Variants in MTOR observed in about 807,000 individuals in gnomAD.
MTOR encodes serine/threonine-protein kinase mTOR.
MTOR carries 70 observed loss-of-function variants against 319.8 expected under a neutral mutation model. That is an observed-to-expected ratio of 0.22 (90% CI 0.18 to 0.27). MTOR has a LOEUF of 0.27. Among genes scored for constraint, MTOR ranks in the 10% least tolerant of loss-of-function variants. MTOR has a pLI of 1.00. For missense variants in MTOR, 1,890 were observed against 3,274.4 expected (o/e 0.58, Z 10.32); for synonymous variants, 1,183 against 1,211.4 (o/e 0.98, Z 0.49).
At chr1:11,146,853 A>G (rs200063802) in intron 31 of MTOR, 62 bp from the exon 32 acceptor site, 13 of 1,138,262 alleles carry the variant, frequency 1.1e-5, no homozygotes, top group Admixed American at 3.4e-5. Context: ...TAAAGGCAGC[A>G]TCTCAAATAG....
At position 11,128,918 on chromosome 1, in the gene MTOR, C is replaced by G; in HGVS notation, c.5748G>C (p.Trp1916Cys). 1 of 1,613,734 alleles carries G rather than the reference C, an allele frequency of 6.2e-7. No homozygotes were observed. Among genetic ancestry groups the G allele is most frequent in the Non-Finnish European group, 8.5e-7 (1 of 1,179,842 alleles). The change falls in exon 41 of 58, where the codon TGG (tryptophan) becomes TGC (cysteine). Residue 1916 changes from tryptophan to cysteine, a missense_variant. Around this residue, in one of 15 missense-constraint regions of MTOR, gnomAD observed 249 missense variants for 596.2 expected, o/e 0.42. Coordinates refer to ENST00000361445, the MANE Select transcript of MTOR (RefSeq NM_004958.4). This position sits in a 1 kb window ranked among gnomAD's most constrained non-coding sequence, Gnocchi z 5.3. ...VLTLWFDYGH[W>C]PDVNEALVEG... ...CCACTAAGGCCTCATTGACATCTGG[C>G]CAGTGACCATAATCAAACCATAAGG...
intron 8 of MTOR, among the ~76,000 whole-genome samples, chr1:11,246,232 G>A (rs1287377539): frequency 2.6e-5 from 4 of 152,146 alleles, no homozygotes; most frequent in Non-Finnish European, 5.9e-5. Flanking sequence ...GAAATCTAGG[G>A]CCCTCTGAGC....
At position 11,199,787 on chromosome 1, in the gene MTOR, G is replaced by A; in HGVS notation, c.3945-84C>T. ...AAGTCACACCTATCAATTCGCTTTT[G>A]GCATCACTGATTTTGGTTATACAAA... On this transcript the variant is annotated intron_variant, in intron 26 of 57. Coordinates refer to ENST00000361445, the MANE Select transcript of MTOR (RefSeq NM_004958.4). This position sits in a 1 kb window ranked among gnomAD's most constrained non-coding sequence, Gnocchi z 4.5. 2 of 1,468,912 alleles carry A rather than the reference G, an allele frequency of 1.4e-6. No homozygotes were observed. Among genetic ancestry groups the A allele is most frequent in the Non-Finnish European group, 1.9e-6 (2 of 1,075,330 alleles). The allele number at this position is 1,468,912 out of a possible 1,614,324, so 91.0% of individuals were successfully genotyped here. A position where few individuals can be genotyped will look rare whatever the true frequency, so the allele number is the denominator to read the frequency against.
At chr1:11,132,719 G>T in intron 38 of MTOR, 1 of 177,738 alleles carries the variant, frequency 5.6e-6, no homozygotes, top group South Asian at 1.7e-4. Flanking sequence ...ATGCAAATCA[G>T]AAAAACGCTG....
chr1:11,183,968 AAATT>A (rs1200071694), intron 28 of MTOR, among the ~76,000 whole-genome samples: 1 of 152,194 alleles, frequency 6.6e-6, no homozygotes, highest in East Asian at 1.9e-4. Flanking sequence ...TAAATACACA[AAATT>A]AAGTATCTCT....
intron 26 of MTOR, among the ~76,000 whole-genome samples, chr1:11,203,634 TGCAGTCCAGC>T (rs1415118420): frequency 7.9e-4 from 120 of 152,348 alleles, no homozygotes; most frequent in African/African-American, 2.9e-3. Context: ...ACTGTGCCAC[TGCAGTCCAGC>T]CTGAGCAACA....
chr1:11,166,110 CTTAACAACGT>C (rs1644635972), intron 29 of MTOR, among the ~76,000 whole-genome samples: 1 of 152,212 alleles, frequency 6.6e-6, no homozygotes, highest in Non-Finnish European at 1.5e-5. Context: ...GGATTAAAGA[CTTAACAACGT>C]TAGACCTAAA....
intron 28 of MTOR, among the ~76,000 whole-genome samples, chr1:11,174,221 G>A (rs1644914553): frequency 6.6e-6 from 1 of 152,154 alleles, no homozygotes; most frequent in African/African-American, 2.4e-5. Context: ...GACAGGCGGT[G>A]TCTTAGCTTT....
chr1:11,107,460 G>C lies in MTOR; in HGVS notation c.*25C>G, dbSNP rs376243307. On this transcript the variant is annotated 3_prime_UTR_variant, in exon 58 of 58. Transcript: ENST00000361445. ...AAAGTACAAAAGCCTCAGAAAAAAC[G>C]TGATGGGCACATCTGGGCCTCCAGT... The C allele has an allele frequency of 6.8e-6, 11 of 1,608,082 alleles. No homozygotes were observed. The East Asian group carries it at 2.5e-4, about 36-fold the overall frequency.
At chr1:11,130,399 G>T in intron 39 of MTOR, 130 bp downstream of exon 39, 1 of 1,395,176 alleles carries the variant, frequency 7.2e-7, no homozygotes, top group Non-Finnish European at 9.7e-7. Context: ...ATGGTAGATA[G>T]GCAGTATTTT....
At chr1:11,182,698 C>T (rs1645197096) in intron 28 of MTOR, among the ~76,000 whole-genome samples, 2 of 152,180 alleles carry the variant, frequency 1.3e-5, no homozygotes, top group Non-Finnish European at 2.9e-5. Context: ...CCTACTCTGA[C>T]TTCTAACACA....
At chr1:11,241,355 A>C (rs937703127) in intron 10 of MTOR, among the ~76,000 whole-genome samples, 198 bp downstream of exon 10, 1 of 151,588 alleles carries the variant, frequency 6.6e-6, no homozygotes, top group African/African-American at 2.4e-5. Flanking sequence ...GGCTCGGGGA[A>C]ATTAAATAAC....
chr1:11,258,445 G>A (rs749456472), intron 3 of MTOR, 40 bp downstream of exon 3: 1 of 1,385,696 alleles, frequency 7.2e-7, no homozygotes, highest in Admixed American at 1.7e-5. Flanking sequence ...GGGCACAAAG[G>A]TGAGTGTGTT....
intron 30 of MTOR, among the ~76,000 whole-genome samples, chr1:11,151,591 G>T (rs1474249123): frequency 1.3e-5 from 2 of 152,190 alleles, no homozygotes; most frequent in African/African-American, 2.4e-5. Flanking sequence ...CTGGGATAGG[G>T]GCTGAGAATG....
chr1:11,126,181 T>C (rs1642828841), intron 46 of MTOR, among the ~76,000 whole-genome samples: 1 of 151,706 alleles, frequency 6.6e-6, no homozygotes, highest in South Asian at 2.1e-4. Flanking sequence ...AATCTCACTG[T>C]GAGAATCCAC....
At chr1:11,192,216 C>G (rs1645565745) in intron 28 of MTOR, 1 of 1,340,494 alleles carries the variant, frequency 7.5e-7, no homozygotes, top group African/African-American at 1.4e-5. Flanking sequence ...AAACACTCAA[C>G]TCAGATGGAG....
intron 19 of MTOR, among the ~76,000 whole-genome samples, chr1:11,216,614 T>A (rs1408052497): frequency 6.7e-6 from 1 of 149,054 alleles, no homozygotes; most frequent in Non-Finnish European, 1.5e-5. Flanking sequence ...GCCACTGCAC[T>A]CTACAGAGTG....
chr1:11,233,078 CAA>C, intron 15 of MTOR: 1 of 1,094,176 alleles, frequency 9.1e-7, no homozygotes. Context: ...GGTACAACTC[CAA>C]AAAAAGACAC....
In MTOR at chr1:11,258,522, T is replaced by G. The variant is rs1270989001; in HGVS notation, c.234A>C (p.Ser78=). 1.9e-6 allele frequency: 3 copies of G among 1,614,164 alleles called. No individual in the cohort carries two copies. The highest frequency in any genetic ancestry group is 1.3e-5 in the African/African-American group (1 of 75,058). ...TGCCACCTTTCCTCTCATTGGCATC[T>G]GAGCTGGAAACCAATTCAAAAATGT... The part of the protein sequence containing the change: ...NHHIFELVSS[S]DANERKGGIL... Residue 78 remains serine (S), a synonymous_variant, in exon 3 of 58, where the codon TCA becomes TCC. Transcript: ENST00000361445.
Sources: allele counts gnomAD v4.1 joint callset (sites outside exome capture counted in the v4.1 genomes callset), GRCh38; gene constraint gnomAD v4.1.1; regional missense constraint gnomAD v4.1.1; non-coding constraint Gnocchi (gnomAD v3.1); transcripts MANE v1.5; gene names NCBI Gene and HGNC (gene_info 2026-07-23, HGNC 2026-07-21).